The following ATG4A variants were observed in gnomAD, a reference collection of about 807,000 sequenced individuals.
The protein encoded by ATG4A is cysteine protease ATG4A.
In ATG4A, 22 loss-of-function variants were observed where a neutral mutation model predicts 38.4. The ratio of observed to expected loss-of-function variants is 0.57; its 90% CI spans 0.41 to 0.82. The LOEUF (loss-of-function observed/expected upper bound fraction) is 0.82. Among genes scored for constraint, ATG4A ranks in the 40% least tolerant of loss-of-function variants. ATG4A has a pLI of 0.00. For missense variants in ATG4A, 220 were observed against 290.0 expected, an observed-to-expected ratio of 0.76 and a Z score of 1.75; for synonymous variants, 86 against 100.7, an observed-to-expected ratio of 0.85 and a Z score of 0.88.
chrX:108,120,862 A>G (rs914446148), intron 1 of ATG4A, among the ~76,000 whole-genome samples: 8 of 112,185 alleles, frequency 7.1e-5, no homozygotes, highest in African/African-American at 2.6e-4. Context: ...CTCTAGCTGA[A>G]GGATAACTCT....
chrX:108,108,163 T>TG (rs1185473941), intron 1 of ATG4A, among the ~76,000 whole-genome samples: 8 of 97,594 alleles, frequency 8.2e-5, no homozygotes, highest in African/African-American at 2.3e-4. Context: ...GAGGCACTTT[T>TG]TTTTTTTTTT....
intron 1 of ATG4A, among the ~76,000 whole-genome samples, chrX:108,101,344 C>G (rs769482160): frequency 1.8e-5 from 2 of 109,112 alleles, no homozygotes; most frequent in African/African-American, 6.6e-5. Flanking sequence ...AGAACTACCT[C>G]TTTGTTTCAT....
At chrX:108,128,757 T>A in intron 2 of ATG4A, 24 bp from the exon 3 acceptor site, 2 of 1,090,716 alleles carry the variant, frequency 1.8e-6, no homozygotes, top group Non-Finnish European at 2.5e-6. Flanking sequence ...GGTGATTTAA[T>A]TTTAATTTTA....
intron 3 of ATG4A, among the ~76,000 whole-genome samples, chrX:108,130,509 T>C (rs1456231175): frequency 2.7e-5 from 3 of 112,456 alleles, no homozygotes; most frequent in African/African-American, 9.7e-5. Context: ...ATTTCTAATT[T>C]ATTAATATGG....
At chrX:108,114,241 T>A (rs1305069743) in intron 1 of ATG4A, among the ~76,000 whole-genome samples, 1 of 111,670 alleles carries the variant, frequency 9.0e-6, no homozygotes, top group African/African-American at 3.3e-5. Context: ...AACGCTTAGT[T>A]TGGGGCATAT....
chrX:108,104,639 A>C (rs1320211381), intron 1 of ATG4A, among the ~76,000 whole-genome samples: 2 of 111,616 alleles, frequency 1.8e-5, no homozygotes, highest in African/African-American at 6.5e-5. Flanking sequence ...CTTTGGGTTC[A>C]TCCTACATGG....
intron 1 of ATG4A, among the ~76,000 whole-genome samples, chrX:108,125,607 C>CA (rs1569306490): frequency 9.0e-6 from 1 of 111,711 alleles, no homozygotes; most frequent in African/African-American, 3.3e-5. Context: ...TTACCATATA[C>CA]ACAGGTGTAC....
At chrX:108,142,505 TACAC>T (rs746647029) in intron 9 of ATG4A, among the ~76,000 whole-genome samples, 30 of 106,612 alleles carry the variant, frequency 2.8e-4, no homozygotes, top group African/African-American at 9.2e-4. Context: ...ATAACATACA[TACAC>T]ACACACACAC....
chrX:108,133,945 C>T, intron 4 of ATG4A, 112 bp from the exon 5 acceptor site: 1 of 547,759 alleles, frequency 1.8e-6, no homozygotes, highest in Non-Finnish European at 2.9e-6. Flanking sequence ...TCATCCCTGC[C>T]TTCTAGATGT....
upstream of ATG4A, chrX:108,091,335 G>A: frequency 1.0e-6 from 1 of 1,000,208 alleles, no homozygotes; most frequent in Non-Finnish European, 1.4e-6. Flanking sequence ...GCCTCCGCTA[G>A]GGCCGGGCCC....
At chrX:108,103,862 T>C (rs990237022) in intron 1 of ATG4A, among the ~76,000 whole-genome samples, 1 of 112,598 alleles carries the variant, frequency 8.9e-6, no homozygotes, top group Non-Finnish European at 1.9e-5. Flanking sequence ...TTATACTTTT[T>C]TTTGAGACAG....
At chrX:108,126,269 G>A in intron 2 of ATG4A, 82 bp downstream of exon 2, 1 of 672,221 alleles carries the variant, frequency 1.5e-6, no homozygotes, top group East Asian at 3.4e-5. Context: ...TTCTTCTTGG[G>A]TTGGCAGAGC....
At chrX:108,151,369 C>T (rs1228095469) in intron 10 of ATG4A, among the ~76,000 whole-genome samples, 1 of 112,369 alleles carries the variant, frequency 8.9e-6, no homozygotes, top group Non-Finnish European at 1.9e-5. Context: ...TGATGGTTCT[C>T]TCTATTCTGA....
intron 1 of ATG4A, among the ~76,000 whole-genome samples, chrX:108,114,329 G>T (rs752942063): frequency 1.8e-5 from 2 of 111,651 alleles, no homozygotes; most frequent in African/African-American, 3.3e-5. Flanking sequence ...TGTGGAGAAG[G>T]TATTATCTCT....
intron 1 of ATG4A, among the ~76,000 whole-genome samples, chrX:108,111,400 G>T (rs1275529795): frequency 1.8e-5 from 2 of 112,071 alleles, no homozygotes; most frequent in Non-Finnish European, 3.8e-5. Flanking sequence ...GCCTTGGCTG[G>T]CTCCTTTACA....
At chrX:108,102,235 T>A (rs965513179) in intron 1 of ATG4A, among the ~76,000 whole-genome samples, 1 of 111,781 alleles carries the variant, frequency 8.9e-6, no homozygotes, top group Admixed American at 9.5e-5. Context: ...TACTGTTTTT[T>A]TTAATAATGG....
intron 10 of ATG4A, 51 bp downstream of exon 10, chrX:108,150,348 G>T: frequency 8.4e-7 from 1 of 1,194,684 alleles, no homozygotes; most frequent in South Asian, 1.8e-5. Flanking sequence ...GTACAGATTG[G>T]TTCCCTGGGA....
At chrX:108,118,372 G>T (rs1479687858) in intron 1 of ATG4A, among the ~76,000 whole-genome samples, 1 of 110,970 alleles carries the variant, frequency 9.0e-6, no homozygotes, top group Non-Finnish European at 1.9e-5. Flanking sequence ...GAAGAATACT[G>T]GATGAAGAGT....
chrX:108,146,572 A>G (rs1187325257), intron 9 of ATG4A, among the ~76,000 whole-genome samples: 2 of 111,819 alleles, frequency 1.8e-5, no homozygotes, highest in African/African-American at 6.5e-5. Flanking sequence ...CCACTGTTAG[A>G]TCTGACATAC....
Sources: gnomAD v4.1 joint callset for allele counts (sites outside exome capture counted in the v4.1 genomes callset) on GRCh38, gnomAD v4.1.1 for gene constraint, MANE v1.5 for transcripts, NCBI Gene and HGNC (gene_info 2026-07-23, HGNC 2026-07-21) for gene names.